The following TRERF1 variants were observed in gnomAD, a reference collection of about 807,000 sequenced individuals.
TRERF1 encodes the protein transcriptional regulating factor 1.
In TRERF1, 27 loss-of-function variants were observed where a neutral mutation model predicts 122.9. The observed-to-expected ratio is 0.22, with a 90% CI of 0.16 to 0.30. The LOEUF (loss-of-function observed/expected upper bound fraction) is 0.30, where lower values mean the gene tolerates loss of function less well. Ranked by LOEUF, TRERF1 falls within the 10% of genes least tolerant of loss-of-function variation. TRERF1 has a pLI of 1.00. For missense variants in TRERF1, 1,248 were observed against 1,560.3 expected, an observed-to-expected ratio of 0.80 and a Z score of 3.37; for synonymous variants, 636 against 641.7, an observed-to-expected ratio of 0.99 and a Z score of 0.13.
intron 2 of TRERF1, among the ~76,000 whole-genome samples, chr6:42,399,707 T>C (rs1779124359): frequency 6.6e-6 from 1 of 152,128 alleles, no homozygotes; most frequent in Non-Finnish European, 1.5e-5. Context: ...AACTTGACCA[T>C]GGGGAAGGAG....
At chr6:42,436,811 A>AT (rs1242603188) in intron 2 of TRERF1, among the ~76,000 whole-genome samples, 1,410 of 110,820 alleles carry the variant, frequency 0.013, 9 homozygotes, top group Non-Finnish European at 0.018. Flanking sequence ...AAAAAAAAAA[A>AT]AAAATATATA....
chr6:42,340,411 CA>C (rs1461939111), intron 3 of TRERF1, among the ~76,000 whole-genome samples: 1 of 152,212 alleles, frequency 6.6e-6, no homozygotes, highest in South Asian at 2.1e-4. Context: ...TGCAATTTGT[CA>C]AAACATGAAT....
At chr6:42,313,315 A>T (rs1269963928) in intron 3 of TRERF1, among the ~76,000 whole-genome samples, 1 of 152,174 alleles carries the variant, frequency 6.6e-6, no homozygotes, top group Non-Finnish European at 1.5e-5. Context: ...CATATTATTC[A>T]CGATACAAAG....
intron 3 of TRERF1, among the ~76,000 whole-genome samples, chr6:42,326,850 C>T (rs1456242043): frequency 6.6e-6 from 1 of 152,198 alleles, no homozygotes; most frequent in East Asian, 1.9e-4. Flanking sequence ...AGAACAGTTT[C>T]CTCAAAAGGT....
chr6:42,344,100 T>C (rs1199952441), intron 3 of TRERF1, among the ~76,000 whole-genome samples: 1 of 152,214 alleles, frequency 6.6e-6, no homozygotes, highest in Non-Finnish European at 1.5e-5. Context: ...GGAGCTGCGT[T>C]CACCTGGAGA....
Position 42,232,689 on chromosome 6 carries a change from C to G in TRERF1, c.3270G>C (p.Glu1090Asp), listed in dbSNP as rs757370192. 4 of 1,596,562 alleles carry G rather than the reference C, an allele frequency of 2.5e-6. No individual in the cohort carries two copies. Among genetic ancestry groups the G allele is most frequent in the Non-Finnish European group, 3.4e-6 (4 of 1,166,382 alleles). ...CGGTCCCCTGCACCTACTTGCCACA[C>G]TCCTTGCAGGGGAAGATGGTGGTGG... Residue 1090 changes from glutamate (E) to aspartate (D), a missense_variant, in exon 17 of 18, where the codon GAG becomes GAC. Transcript: ENST00000372922. This position sits in a 1 kb window ranked among gnomAD's most constrained non-coding sequence, Gnocchi z 4.5.
chr6:42,431,879 C>A (rs260253), intron 2 of TRERF1, among the ~76,000 whole-genome samples: 120,636 of 152,004 alleles, frequency 0.79, 49,999 homozygotes, highest in Non-Finnish European at 0.91. Flanking sequence ...CATGTCCCTC[C>A]CCCTACCCGA....
rs559400365 is a variant in TRERF1, at chr6:42,420,384, C to T, written c.-454+30793G>A. 4.6e-5 allele frequency among the ~76,000 whole-genome samples: 7 copies of T among 152,272 alleles called. 1 individual carries two copies. Among genetic ancestry groups the T allele is most frequent in the Middle Eastern group, 6.8e-3 (2 of 294 alleles). On this transcript the variant is annotated intron_variant, in intron 2 of 17. Transcript: ENST00000372922. ...TAAGAAGCTCCAGTCCACAAAGAAC[C>T]CATCCACCAATCGCCTCCCGTGGTC...
intron 2 of TRERF1, among the ~76,000 whole-genome samples, chr6:42,433,278 C>T (rs190490599): frequency 6.6e-6 from 1 of 152,046 alleles, no homozygotes; most frequent in East Asian, 1.9e-4. Flanking sequence ...TGAACATATC[C>T]AAGATTTAAG....
chr6:42,315,317 A>G (rs1239901894), intron 3 of TRERF1, among the ~76,000 whole-genome samples: 3 of 152,208 alleles, frequency 2.0e-5, no homozygotes, highest in African/African-American at 7.2e-5. Context: ...TCCAAATGTC[A>G]ATAGCACTAA....
chr6:42,338,006 GAAACA>G (rs1766524960), intron 3 of TRERF1, among the ~76,000 whole-genome samples: 1 of 152,210 alleles, frequency 6.6e-6, no homozygotes. Context: ...TGGACCTCCT[GAAACA>G]GAGTCTGGAT....
chr6:42,228,459 G>C lies in TRERF1; in HGVS notation c.3489C>G (p.Asp1163Glu), dbSNP rs767921191. The C allele has an allele frequency of 6.2e-7, 1 of 1,614,190 alleles. No individual in the cohort carries two copies. The highest frequency in any genetic ancestry group is 1.7e-4 in the Middle Eastern group (1 of 6,060). The change falls in exon 18 of 18, where the codon GAC (aspartate) becomes GAG (glutamate). Residue 1163 changes from aspartate to glutamate, a missense_variant. Asp to Glu is a conservative substitution (Grantham distance 45). Transcript: ENST00000372922. The surrounding 1 kb of genome is among the most constrained non-coding windows in gnomAD (Gnocchi z 4.2). Reference sequence around the variant, plus strand: ...CTCCCAACTGCTGGACGACGTCGTCGTCGAGGATGTCCACATCCTTGATGG... The same window carrying C: ...CTCCCAACTGCTGGACGACGTCGTCCTCGAGGATGTCCACATCCTTGATGG...
chr6:42,426,291 C>A (rs1043304979), intron 2 of TRERF1, among the ~76,000 whole-genome samples: 2 of 152,132 alleles, frequency 1.3e-5, no homozygotes, highest in African/African-American at 4.8e-5. Context: ...ATAATCCAGA[C>A]CAACATATGT....
At chr6:42,435,373 G>T (rs56810219) in intron 2 of TRERF1, among the ~76,000 whole-genome samples, 3 of 151,854 alleles carry the variant, frequency 2.0e-5, no homozygotes, top group South Asian at 4.2e-4. Context: ...ATACAGAGCC[G>T]AGTGCATCTA....
chr6:42,384,845 C>A (rs1245500006), intron 2 of TRERF1, among the ~76,000 whole-genome samples: 1 of 151,886 alleles, frequency 6.6e-6, no homozygotes, highest in Non-Finnish European at 1.5e-5. Context: ...CACTGTGTCG[C>A]CCAGGCTGGA....
intron 3 of TRERF1, among the ~76,000 whole-genome samples, chr6:42,328,028 C>T (rs1424088884): frequency 9.4e-6 from 1 of 106,768 alleles, no homozygotes; most frequent in African/African-American, 3.9e-5. Context: ...TTTTTTGAGA[C>T]AGGGTCTCAT....
chr6:42,238,175 C>T (rs1772707819), intron 15 of TRERF1, among the ~76,000 whole-genome samples: 1 of 152,190 alleles, frequency 6.6e-6, no homozygotes, highest in Non-Finnish European at 1.5e-5. Context: ...TGGTCTCAAA[C>T]ATTAAGTAGC....
At chr6:42,374,136 T>TA (rs775475126) in intron 2 of TRERF1, among the ~76,000 whole-genome samples, 10,963 of 130,964 alleles carry the variant, frequency 0.084, 711 homozygotes, top group African/African-American at 0.2. Context: ...TGTCTTTTTT[T>TA]TAAAAAAAAA....
chr6:42,360,782 A>AAAAAAAC (rs1771592297), intron 3 of TRERF1, among the ~76,000 whole-genome samples: 4 of 139,082 alleles, frequency 2.9e-5, no homozygotes, highest in African/African-American at 1.2e-4. Flanking sequence ...AAAAAAAAAA[A>AAAAAAAC]AAAAAAAAAA....
Sources: gnomAD v4.1 joint callset for allele counts (sites outside exome capture counted in the v4.1 genomes callset) on GRCh38, gnomAD v4.1.1 for gene constraint, Gnocchi (gnomAD v3.1) non-coding constraint, MANE v1.5 for transcripts, NCBI Gene and HGNC (gene_info 2026-07-23, HGNC 2026-07-21) for gene names.